FMN2: variants seen among roughly 807,000 people sequenced by gnomAD.
FMN2 encodes the protein formin 2, also known as formin-2.
FMN2 carries 51 observed loss-of-function variants against 142.3 expected under a neutral mutation model. The observed-to-expected ratio is 0.36, with a 90% CI of 0.29 to 0.45. FMN2 has a LOEUF of 0.45. FMN2 is among the 20% of genes least tolerant of loss of function. FMN2 has a pLI of 1.00. For synonymous variants in FMN2, 882 were observed against 869.8 expected (o/e 1.01, Z -0.25); for missense variants, 1,936 against 2,122.8 (o/e 0.91, Z 1.73).
intron 6 of FMN2, among the ~76,000 whole-genome samples, chr1:240,216,983 G>T (rs1404793110): frequency 6.6e-6 from 1 of 152,008 alleles, no homozygotes; most frequent in Non-Finnish European, 1.5e-5. Flanking sequence ...GTGTAATAAC[G>T]ACAGGAAAAG....
chr1:240,368,165 T>A (rs1211278105), intron 14 of FMN2, among the ~76,000 whole-genome samples: 1 of 152,212 alleles, frequency 6.6e-6, no homozygotes, highest in Non-Finnish European at 1.5e-5. Flanking sequence ...TCTTGAAATG[T>A]GAAAAGGCTA....
chr1:240,134,099 G>T (rs910336520), intron 2 of FMN2, among the ~76,000 whole-genome samples: 1 of 152,190 alleles, frequency 6.6e-6, no homozygotes, highest in South Asian at 2.1e-4. Flanking sequence ...TTAGCACAAT[G>T]TCTAGCACAT....
chr1:240,441,104 C>T lies in FMN2; in HGVS notation c.5060+2894C>T, dbSNP rs1675600828. 2.0e-5 allele frequency among the ~76,000 whole-genome samples: 3 copies of T among 151,048 alleles called. No individual in the cohort carries two copies. The Admixed American group carries it at 2.0e-4, about 10-fold the overall frequency. On this transcript the variant is annotated intron_variant, in intron 16 of 17. Coordinates refer to ENST00000319653, the MANE Select transcript of FMN2 (RefSeq NM_020066.5). ...CTGCCTCCCAGGTTCAAGCGATTCT[C>T]CTGCCTCAGCCTCCTGAGTAGCTGA...
At position 240,334,376 on chromosome 1, in the gene FMN2, A is replaced by G. The variant is rs977636713; in HGVS notation, c.4765+147A>G. The G allele has an allele frequency of 6.2e-6, 6 of 972,342 alleles. No homozygotes were observed. In the African/African-American group the frequency reaches 6.8e-5, roughly 11 times the overall value. The allele number at this position is 972,342 out of a possible 1,614,324, so 60.2% of individuals were successfully genotyped here. On this transcript the variant is annotated intron_variant, in intron 13 of 17. Coordinates refer to ENST00000319653, the MANE Select transcript of FMN2 (RefSeq NM_020066.5). ...GTGTGGCGAAAGAACAATTTTGCCTATATTCTTATTCTTTGGTTGTTTAAA... is the reference window on the plus strand; with the variant it reads ...GTGTGGCGAAAGAACAATTTTGCCTGTATTCTTATTCTTTGGTTGTTTAAA...
intron 8 of FMN2, among the ~76,000 whole-genome samples, chr1:240,321,141 T>A (rs1203532108): frequency 6.6e-6 from 1 of 151,926 alleles, no homozygotes; most frequent in Admixed American, 6.5e-5. Context: ...ATTTAAATTG[T>A]GAATTGAACT....
At chr1:240,446,551 T>C (rs1413328122) in intron 16 of FMN2, among the ~76,000 whole-genome samples, 1 of 152,288 alleles carries the variant, frequency 6.6e-6, no homozygotes, top group East Asian at 1.9e-4. Context: ...GTTACTCTTT[T>C]AAAAAATAAC....
At chr1:240,460,276 A>G (rs1234573012) in intron 16 of FMN2, among the ~76,000 whole-genome samples, 1 of 152,230 alleles carries the variant, frequency 6.6e-6, no homozygotes, top group Non-Finnish European at 1.5e-5. Flanking sequence ...TCAGTGTTGT[A>G]AAAGATTCAG....
chr1:240,200,469 A>G (rs1666083182), intron 4 of FMN2, among the ~76,000 whole-genome samples: 1 of 152,112 alleles, frequency 6.6e-6, no homozygotes, highest in African/African-American at 2.4e-5. Flanking sequence ...CCCTTGACTG[A>G]TAGCCCTGGA....
chr1:240,322,281 A>G (rs558616770), intron 8 of FMN2, among the ~76,000 whole-genome samples: 34 of 152,266 alleles, frequency 2.2e-4, no homozygotes, highest in African/African-American at 7.9e-4. Context: ...GGCATCTTCT[A>G]TAATTTTTAG....
At chr1:240,343,469 C>T (rs1019145580) in intron 13 of FMN2, among the ~76,000 whole-genome samples, 2 of 152,110 alleles carry the variant, frequency 1.3e-5, no homozygotes, top group Non-Finnish European at 2.9e-5. Context: ...GGGTTCACTG[C>T]GCAGAACCCT....
Position 240,092,936 on chromosome 1 carries a change from T to A in FMN2, c.827T>A (p.Leu276His), listed in dbSNP as rs2103157817. The A allele has an allele frequency of 6.9e-7, 1 of 1,457,198 alleles. No individual in the cohort carries two copies. Among genetic ancestry groups the A allele is most frequent in the African/African-American group, 1.5e-5 (1 of 68,524 alleles). The allele number at this position is 1,457,198 out of a possible 1,614,324, so 90.3% of individuals were successfully genotyped here. ...GACACCGAGCAGGCGCTGTCCGCGC[T>A]CTCCGACCTGCCCGAGAGCCTGGCC... ...SPDTEQALSALSDLPESLAAE... is the reference protein window; with the variant it reads ...SPDTEQALSAHSDLPESLAAE... Residue 276 changes from leucine (L) to histidine (H), a missense_variant, in exon 1 of 18, where the codon CTC (leucine) becomes CAC (histidine). By Grantham distance (99) the Leu-to-His change is moderately conservative (BLOSUM62 -3). Transcript: ENST00000319653.
At chr1:240,191,867 ACT>A (rs1047823756) in intron 4 of FMN2, among the ~76,000 whole-genome samples, 23 of 152,230 alleles carry the variant, frequency 1.5e-4, no homozygotes, top group African/African-American at 4.8e-4. Flanking sequence ...ATTTTTAAAA[ACT>A]CTAGCTTTGG....
Position 240,319,628 on chromosome 1 carries a change from T to G in FMN2, c.4216-9448T>G, listed in dbSNP as rs74151618. Among the ~76,000 whole-genome samples, 1,499 of 152,298 alleles carry G rather than the reference T, an allele frequency of 9.8e-3. 21 individuals carry two copies. The highest frequency in any genetic ancestry group is 0.034 in the African/African-American group (1,419 of 41,550). On this transcript the variant is annotated intron_variant, in intron 8 of 17. Transcript: ENST00000319653. ...TTAGTTCTTGTAGACTGAAACGATG[T>G]CGTCTTGGAAGGGACTTTCCCTTAT...
chr1:240,459,717 TAAAAAAAAAAAAAAAAAAAA>T (rs57065226), intron 16 of FMN2, among the ~76,000 whole-genome samples: 1,580 of 67,140 alleles, frequency 0.024, 40 homozygotes, highest in Non-Finnish European at 0.037. Flanking sequence ...ACTCTGTCTC[TAAAAAAAAAAAAAAAAAAAA>T]AAAAAAAAAA....
chr1:240,439,648 G>A (rs766644799), intron 16 of FMN2, among the ~76,000 whole-genome samples: 13 of 152,182 alleles, frequency 8.5e-5, no homozygotes, highest in Admixed American at 2.6e-4. Context: ...GCTTCCAAAT[G>A]CATCAGTAAC....
intron 5 of FMN2, among the ~76,000 whole-genome samples, chr1:240,210,164 A>G (rs917936876): frequency 6.6e-5 from 10 of 152,148 alleles, no homozygotes; most frequent in African/African-American, 2.4e-4. Context: ...TACTTTATAC[A>G]TTTATGTGTC....
chr1:240,382,637 G>T (rs1310695894), intron 14 of FMN2, among the ~76,000 whole-genome samples: 1 of 151,868 alleles, frequency 6.6e-6, no homozygotes, highest in Non-Finnish European at 1.5e-5. Flanking sequence ...CTCCAGCCTG[G>T]GTGACAGAGT....
rs766204037 is a variant in FMN2 at position 240,208,405 on chromosome 1, C to T, written c.3593C>T (p.Pro1198Leu). 2.6e-5 allele frequency: 41 copies of T among 1,588,506 alleles called. No homozygotes were observed. The highest frequency in any genetic ancestry group is 1.0e-4 in the Admixed American group (6 of 59,458). Reference sequence around the variant, plus strand: ...CTACCTGGAGTGGGAATACCTCCTCCGCCCCCTCTACCTGGTGCTGGGATT... The same window carrying T: ...CTACCTGGAGTGGGAATACCTCCTCTGCCCCCTCTACCTGGTGCTGGGATT... ...PPLPGVGIPP[P>L]PPLPGAGIPP... Residue 1198 changes from proline to leucine, a missense_variant, in exon 5 of 18, where the codon CCG becomes CTG. Physicochemically the swap from Pro to Leu is moderately conservative, Grantham distance 98. Transcript: ENST00000319653.
chr1:240,444,783 A>C (rs772708821), intron 16 of FMN2, among the ~76,000 whole-genome samples: 11 of 152,228 alleles, frequency 7.2e-5, no homozygotes, highest in Non-Finnish European at 1.5e-4. Context: ...ATTCAAGTGA[A>C]CTACATGTTC....
Sources: allele counts gnomAD v4.1 joint callset (sites outside exome capture counted in the v4.1 genomes callset), GRCh38; gene constraint gnomAD v4.1.1; transcripts MANE v1.5; gene names NCBI Gene and HGNC (gene_info 2026-07-23, HGNC 2026-07-21).